The following PDZRN3 variants were observed in gnomAD, a reference collection of about 807,000 sequenced individuals.
PDZRN3 encodes PDZ domain containing ring finger 3, also known as E3 ubiquitin-protein ligase PDZRN3.
In PDZRN3, 38 loss-of-function variants were observed where a neutral mutation model predicts 85.7. The observed-to-expected ratio is 0.44, with a 90% CI of 0.34 to 0.58. PDZRN3 has a LOEUF of 0.58. Among genes scored for constraint, PDZRN3 ranks in the 20% least tolerant of loss-of-function variants. The pLI is 0.01. For missense variants in PDZRN3, 1,629 were observed against 1,506.4 expected (o/e 1.08, Z -1.35); for synonymous variants, 759 against 638.0 (o/e 1.19, Z -2.86).
intron 3 of PDZRN3, among the ~76,000 whole-genome samples, chr3:73,477,591 T>A (rs1480607923): frequency 6.6e-6 from 1 of 152,192 alleles, no homozygotes. Context: ...CAAACGCTCA[T>A]GAGCAAAAAA....
intron 3 of PDZRN3, among the ~76,000 whole-genome samples, chr3:73,592,351 A>G (rs1702369959): frequency 6.6e-6 from 1 of 151,388 alleles, no homozygotes; most frequent in Non-Finnish European, 1.5e-5. Context: ...TTTAATGCTG[A>G]CTTGCATTTT....
At chr3:73,555,118 G>T (rs1454755536) in intron 3 of PDZRN3, among the ~76,000 whole-genome samples, 1 of 152,042 alleles carries the variant, frequency 6.6e-6, no homozygotes, top group Non-Finnish European at 1.5e-5. Context: ...TAGCCAATGT[G>T]TTGTTATTTT....
At chr3:73,562,039 T>C (rs1701828904) in intron 3 of PDZRN3, among the ~76,000 whole-genome samples, 2 of 152,056 alleles carry the variant, frequency 1.3e-5, no homozygotes, top group Admixed American at 1.3e-4. Flanking sequence ...TACTAGGAAA[T>C]TCATAAATTC....
rs1338393540 is a variant in PDZRN3 at position 73,388,029 on chromosome 3, G to A, written c.1457C>T (p.Ala486Val). Residue 486 changes from alanine to valine, a missense_variant, in exon 8 of 10, where the codon GCT becomes GTT. By Grantham distance (64) the Ala-to-Val change is moderately conservative. Transcript: ENST00000263666. ...IEVQNREEAV[A>V]LLTSEENKNF... ...TTTATTTTCTTCACTGGTTAGAAGA[G>A]CCACAGCCTCTTCACGGTTCTGCAC... 7.3e-7 allele frequency: 1 copy of A among 1,368,942 alleles called. No homozygotes were observed. The highest frequency in any genetic ancestry group is 9.8e-7 in the Non-Finnish European group (1 of 1,021,692). The allele number at this position is 1,368,942 out of a possible 1,614,324, so 84.8% of individuals were successfully genotyped here.
chr3:73,589,065 T>G (rs919401925), intron 3 of PDZRN3, among the ~76,000 whole-genome samples: 14 of 135,456 alleles, frequency 1.0e-4, no homozygotes, highest in Admixed American at 2.2e-4. Context: ...TTTTTTTTTT[T>G]GAGACAGAGT....
chr3:73,478,803 G>A (rs1703507018), intron 3 of PDZRN3, among the ~76,000 whole-genome samples: 1 of 152,188 alleles, frequency 6.6e-6, no homozygotes, highest in East Asian at 1.9e-4. Context: ...GAACCATGTT[G>A]CTTTTTTCTT....
At chr3:73,528,426 T>G (rs999735467) in intron 3 of PDZRN3, among the ~76,000 whole-genome samples, 1 of 152,170 alleles carries the variant, frequency 6.6e-6, no homozygotes, top group African/African-American at 2.4e-5. Flanking sequence ...AGGGGAGCAC[T>G]GTTAAAGTTA....
intron 3 of PDZRN3, among the ~76,000 whole-genome samples, chr3:73,447,067 AAT>A (rs35272683): frequency 0.074 from 10,538 of 141,762 alleles, 406 homozygotes; most frequent in East Asian, 0.093. Context: ...AAAGAATTGC[AAT>A]ATATATATAT....
rs1326505899 is a variant in PDZRN3, at chr3:73,443,797, C to CT, written c.919-39403dup. On this transcript the variant is annotated intron_variant, in intron 3 of 9. Transcript: ENST00000263666. Reference sequence around the variant, plus strand: ...GCATGGGCCACTGAGCCTGGTCCAGCTTTTTTTTTTAAAGCTATTCACATG... The same window carrying CT: ...GCATGGGCCACTGAGCCTGGTCCAGCTTTTTTTTTTTAAAGCTATTCACATG... Among the ~76,000 whole-genome samples the CT allele has an allele frequency of 2.8e-3, 417 of 148,392 alleles. 2 individuals are homozygous for CT. The highest frequency in any genetic ancestry group is 0.014 in the Middle Eastern group (4 of 288).
chr3:73,385,039 AG>A, intron 9 of PDZRN3, 109 bp from the exon 10 acceptor site: 1 of 1,297,432 alleles, frequency 7.7e-7, no homozygotes. Context: ...TACATTTCTA[AG>A]GCCAAGGGAC....
At chr3:73,426,738 G>C (rs1233982739) in intron 3 of PDZRN3, among the ~76,000 whole-genome samples, 2 of 152,194 alleles carry the variant, frequency 1.3e-5, no homozygotes, top group Non-Finnish European at 1.5e-5. Flanking sequence ...TGGAGCCCTT[G>C]TGAAACAAAT....
At chr3:73,560,939 T>C (rs1701803486) in intron 3 of PDZRN3, among the ~76,000 whole-genome samples, 1 of 152,154 alleles carries the variant, frequency 6.6e-6, no homozygotes, top group African/African-American at 2.4e-5. Context: ...TAGATGGTAA[T>C]GGTCAGAGAA....
In PDZRN3 at chr3:73,383,409, C is replaced by G. The variant is rs750779059; in HGVS notation, c.3157G>C (p.Gly1053Arg). ...AGGAAGGAATTGTATACTCTAGTGC[C>G]GTCCGGGGATTTTGTGCCGTGGGTT... is the stretch of plus-strand genomic sequence containing the variant. Reference protein sequence around the residue: ...LLTHGTKSPDGTRVYNSFLSV... With the variant: ...LLTHGTKSPDRTRVYNSFLSV... The change falls in exon 10 of 10, where the codon GGC becomes CGC. Residue 1053 changes from glycine (G) to arginine (R), a missense_variant. Coordinates refer to ENST00000263666, the MANE Select transcript of PDZRN3 (RefSeq NM_015009.3). The G allele has an allele frequency of 9.3e-6, 15 of 1,613,774 alleles. No homozygotes were observed. In the South Asian group the frequency reaches 1.4e-4, roughly 15 times the overall value.
At chr3:73,502,824 G>A (rs1704006391) in intron 3 of PDZRN3, among the ~76,000 whole-genome samples, 4 of 152,178 alleles carry the variant, frequency 2.6e-5, no homozygotes, top group Admixed American at 2.0e-4. Flanking sequence ...TGAGACTGCA[G>A]CCCTCCTCTC....
At chr3:73,621,199 G>A (rs1159287293) in intron 1 of PDZRN3, among the ~76,000 whole-genome samples, 2 of 152,192 alleles carry the variant, frequency 1.3e-5, no homozygotes, top group Non-Finnish European at 2.9e-5. Flanking sequence ...TCACATGGTA[G>A]AACAGAAGAG....
At chr3:73,480,237 T>C (rs997923604) in intron 3 of PDZRN3, among the ~76,000 whole-genome samples, 1 of 152,220 alleles carries the variant, frequency 6.6e-6, no homozygotes, top group African/African-American at 2.4e-5. Context: ...GTCAAAACAG[T>C]GGCCAACAGG....
At chr3:73,535,443 C>G (rs1472789899) in intron 3 of PDZRN3, among the ~76,000 whole-genome samples, 1 of 152,162 alleles carries the variant, frequency 6.6e-6, no homozygotes, top group Non-Finnish European at 1.5e-5. Context: ...TTAACTGGAG[C>G]ATCAGTGATA....
chr3:73,401,054 G>C, intron 4 of PDZRN3, 45 bp from the exon 5 acceptor site: 1 of 1,419,314 alleles, frequency 7.0e-7, no homozygotes, highest in Non-Finnish European at 1.0e-6. Context: ...TCCGTTGTCA[G>C]TATCTGTTTT....
At position 73,623,854 on chromosome 3, in the gene PDZRN3, C is replaced by G. The variant is rs139167969; in HGVS notation, c.723+249G>C. On this transcript the variant is annotated intron_variant, in intron 1 of 9. Transcript: ENST00000263666. ...TGCTTGTGAATTCTTTTTCGTCCTTCCAGAATCCCTGAAGCTGTACAGCTA... is the reference window on the plus strand; with the variant it reads ...TGCTTGTGAATTCTTTTTCGTCCTTGCAGAATCCCTGAAGCTGTACAGCTA... 4 of 386,094 alleles carry G rather than the reference C, an allele frequency of 1.0e-5. No homozygotes were observed. In the Admixed American group the frequency reaches 1.4e-4, roughly 13 times the overall value. The allele number at this position is 386,094 out of a possible 1,614,324, so 23.9% of individuals were successfully genotyped here. A position where few individuals can be genotyped will look rare whatever the true frequency, so the allele number is the denominator to read the frequency against.
Sources: gnomAD v4.1 joint callset for allele counts (sites outside exome capture counted in the v4.1 genomes callset) on GRCh38, gnomAD v4.1.1 for gene constraint, MANE v1.5 for transcripts, NCBI Gene and HGNC (gene_info 2026-07-23, HGNC 2026-07-21) for gene names.